ADAMTS18: variants seen among roughly 807,000 people sequenced by gnomAD.
The protein encoded by ADAMTS18 is ADAM metallopeptidase with thrombospondin type 1 motif 18.
A neutral mutation model predicts 165.9 loss-of-function variants in ADAMTS18; 157 were observed. That is an observed-to-expected ratio of 0.95 (90% CI 0.83 to 1.08). ADAMTS18 has a LOEUF of 1.08. Ranked by LOEUF, ADAMTS18 falls within the 50% of genes least tolerant of loss-of-function variation. The pLI is 0.00. For missense variants in ADAMTS18, 2,040 were observed against 1,534.0 expected (o/e 1.33, Z -5.51); for synonymous variants, 782 against 578.2 (o/e 1.35, Z -5.06).
At chr16:77,433,540 T>G (rs2057763803) in intron 2 of ADAMTS18, 3 of 152,218 alleles carry the variant, frequency 2.0e-5, no homozygotes, top group African/African-American at 4.8e-5. Context: ...GATCCTGATA[T>G]AAGAATGAGG....
rs16945524 is a variant in ADAMTS18, at chr16:77,342,148, C to G, written c.1615-349G>C. 1.6e-3 allele frequency among the ~76,000 whole-genome samples: 244 copies of G among 152,268 alleles called. 1 individual carries two copies. The highest frequency in any genetic ancestry group is 5.5e-3 in the African/African-American group (228 of 41,556). On this transcript the variant is annotated intron_variant, in intron 10 of 22. Transcript: ENST00000282849. The stretch of plus-strand genomic sequence containing the variant: ...ACATCAAGATTGGAATAAAGCAAGT[C>G]GGATTCAAGTCTTCATCCTGAAATG...
At position 77,409,183 on chromosome 16, in the gene ADAMTS18, G is replaced by C. The variant is rs944295727; in HGVS notation, c.495+22112C>G. Among the ~76,000 whole-genome samples the C allele has an allele frequency of 4.6e-5, 7 of 152,098 alleles. No homozygotes were observed. In the East Asian group the frequency reaches 9.6e-4, roughly 21 times the overall value. On this transcript the variant is annotated intron_variant, in intron 3 of 22. Transcript: ENST00000282849. ...TGGGAGGGCTACGTACTCATTATTT[G>C]TGTACCTTTCTAAACATATATGCTA...
At chr16:77,427,476 C>G (rs150705058) in intron 3 of ADAMTS18, among the ~76,000 whole-genome samples, 2 of 152,104 alleles carry the variant, frequency 1.3e-5, no homozygotes, top group South Asian at 2.1e-4. Flanking sequence ...CAGAGGGAGG[C>G]TGGATATAGT....
intron 22 of ADAMTS18, among the ~76,000 whole-genome samples, chr16:77,288,021 C>A (rs2055288949): frequency 6.6e-6 from 1 of 152,160 alleles, no homozygotes; most frequent in East Asian, 1.9e-4. Context: ...GACCTCACAG[C>A]ACTTTTCACA....
chr16:77,400,633 C>T (rs1463552413), intron 3 of ADAMTS18, among the ~76,000 whole-genome samples: 1 of 151,940 alleles, frequency 6.6e-6, no homozygotes, highest in Non-Finnish European at 1.5e-5. Context: ...AGGCGCCCGT[C>T]ACCGCACCCG....
intron 10 of ADAMTS18, among the ~76,000 whole-genome samples, chr16:77,346,308 AACTGTGTTT>A (rs1162852137): frequency 6.6e-6 from 1 of 152,164 alleles, no homozygotes; most frequent in Non-Finnish European, 1.5e-5. Context: ...GAGAGTACAG[AACTGTGTTT>A]TCTCTCTGAT....
chr16:77,388,893 T>C (rs1398680929), intron 3 of ADAMTS18, among the ~76,000 whole-genome samples: 1 of 152,252 alleles, frequency 6.6e-6, no homozygotes, highest in African/African-American at 2.4e-5. Context: ...TAATGACTAA[T>C]GTCCAAATGG....
At chr16:77,380,065 T>C (rs2057010127) in intron 3 of ADAMTS18, among the ~76,000 whole-genome samples, 1 of 152,194 alleles carries the variant, frequency 6.6e-6, no homozygotes, top group African/African-American at 2.4e-5. Context: ...TCCTCAGAAA[T>C]GCTTGGCTTT....
chr16:77,307,743 C>G (rs556430036), intron 16 of ADAMTS18, among the ~76,000 whole-genome samples: 1 of 152,174 alleles, frequency 6.6e-6, no homozygotes, highest in East Asian at 1.9e-4. Flanking sequence ...TGTCTTCACT[C>G]AGTCCATGCT....
intron 9 of ADAMTS18, 31 bp from the exon 10 acceptor site, chr16:77,353,917 T>C (rs1400843570): frequency 1.2e-6 from 2 of 1,613,698 alleles, no homozygotes; most frequent in African/African-American, 2.7e-5. Context: ...TATTAATTAC[T>C]CTGTTGATCT....
At position 77,291,345 on chromosome 16, in the gene ADAMTS18, T is replaced by C. The variant is rs1331732462; in HGVS notation, c.3323A>G (p.Glu1108Gly). Reference sequence around the variant, plus strand: ...TGGGCAAGCCCGTCGGTTGCAGGTCTCTTCCAAGTCCAGATTTGGTTTCTT... The same window carrying C: ...TGGGCAAGCCCGTCGGTTGCAGGTCCCTTCCAAGTCCAGATTTGGTTTCTT... ...NIKKPNLDLE[E>G]TCNRRACPAH... The change falls in exon 21 of 23, where the codon GAG (glutamate) becomes GGG (glycine). Residue 1108 changes from glutamate to glycine, a missense_variant. By Grantham distance (98) the Glu-to-Gly change is moderately conservative. Coordinates refer to ENST00000282849, the MANE Select transcript of ADAMTS18 (RefSeq NM_199355.4). 6.2e-7 allele frequency: 1 copy of C among 1,614,228 alleles called. No individual in the cohort carries two copies. The highest frequency in any genetic ancestry group is 1.1e-5 in the South Asian group (1 of 91,090).
At chr16:77,433,471 G>C (rs535044544) in intron 2 of ADAMTS18, 49 of 152,332 alleles carry the variant, frequency 3.2e-4, no homozygotes, top group African/African-American at 1.2e-3. Flanking sequence ...TTCAGGAGGT[G>C]AGTAAGGGTG....
At chr16:77,359,295 T>G (rs780998990) in intron 8 of ADAMTS18, 23 bp downstream of exon 8, 3 of 1,590,824 alleles carry the variant, frequency 1.9e-6, no homozygotes, top group African/African-American at 2.7e-5. Flanking sequence ...TCACATAAAG[T>G]AGTGGTTCAA....
intron 10 of ADAMTS18, among the ~76,000 whole-genome samples, chr16:77,348,704 AG>A (rs1187478099): frequency 1.3e-5 from 2 of 152,234 alleles, no homozygotes; most frequent in African/African-American, 4.8e-5. Context: ...AGCACATGCT[AG>A]GCATGGCAGA....
chr16:77,364,028 TTAAAAAAA>T, intron 5 of ADAMTS18, 143 bp from the exon 6 acceptor site: 1 of 1,275,442 alleles, frequency 7.8e-7, no homozygotes, highest in Non-Finnish European at 1.1e-6. Context: ...AAAACTCAAC[TTAAAAAAA>T]TAAAACCACA....
intron 3 of ADAMTS18, among the ~76,000 whole-genome samples, chr16:77,428,833 T>C (rs1039261675): frequency 4.6e-5 from 7 of 152,128 alleles, no homozygotes; most frequent in Non-Finnish European, 1.0e-4. Context: ...CCACAACACT[T>C]CTGGTCCCAA....
At chr16:77,343,831 C>T (rs1157416667) in intron 10 of ADAMTS18, among the ~76,000 whole-genome samples, 1 of 152,108 alleles carries the variant, frequency 6.6e-6, no homozygotes, top group Non-Finnish European at 1.5e-5. Flanking sequence ...GTCAAAGTGA[C>T]CCCATTTTGG....
intron 3 of ADAMTS18, among the ~76,000 whole-genome samples, chr16:77,389,347 C>T (rs940963639): frequency 1.3e-5 from 2 of 152,138 alleles, no homozygotes; most frequent in African/African-American, 4.8e-5. Context: ...TCTAATTCCA[C>T]AAAATGCATC....
At chr16:77,325,678 G>GAA (rs11410820) in intron 13 of ADAMTS18, among the ~76,000 whole-genome samples, 188 bp downstream of exon 13, 60 of 142,234 alleles carry the variant, frequency 4.2e-4, no homozygotes, top group South Asian at 1.1e-3. Context: ...CTTATAGGGG[G>GAA]AAAAAAAAAA....
Sources: allele counts gnomAD v4.1 joint callset (sites outside exome capture counted in the v4.1 genomes callset), GRCh38; gene constraint gnomAD v4.1.1; transcripts MANE v1.5; gene names NCBI Gene and HGNC (gene_info 2026-07-23, HGNC 2026-07-21).